The following DSCAM variants were observed in gnomAD, a reference collection of about 807,000 sequenced individuals.
DSCAM encodes DS cell adhesion molecule, also known as cell adhesion molecule DSCAM.
Under a neutral mutation model 217.7 loss-of-function variants are expected in DSCAM, and 47 were observed. That is an observed-to-expected ratio of 0.22 (90% CI 0.17 to 0.28). DSCAM has a LOEUF of 0.28. DSCAM is among the 10% of genes least tolerant of loss of function. The pLI, the probability that DSCAM is intolerant of heterozygous loss-of-function variation, is 1.00. For synonymous variants in DSCAM, 1,056 were observed against 1,015.3 expected (o/e 1.04, Z -0.76); for missense variants, 2,080 against 2,618.3 (o/e 0.79, Z 4.49).
chr21:40,364,519 G>T, intron 4 of DSCAM, among the ~76,000 whole-genome samples: 1 of 142,520 alleles, frequency 7.0e-6, no homozygotes, highest in Non-Finnish European at 1.5e-5. Context: ...CACACACCGG[G>T]GCCTGTTGTG....
At chr21:40,749,964 G>A (rs2146559599) in intron 1 of DSCAM, among the ~76,000 whole-genome samples, 2 of 150,814 alleles carry the variant, frequency 1.3e-5, no homozygotes, top group South Asian at 4.2e-4. Context: ...TTTGAGACAT[G>A]TTACCCAGGC....
intron 14 of DSCAM, among the ~76,000 whole-genome samples, chr21:40,182,548 C>T (rs369397368): frequency 2.0e-5 from 3 of 150,796 alleles, no homozygotes; most frequent in African/African-American, 7.3e-5. Context: ...AACAGAGAAA[C>T]CGTGGACAGG....
intron 11 of DSCAM, among the ~76,000 whole-genome samples, chr21:40,261,661 AC>A (rs2146980563): frequency 6.7e-6 from 1 of 149,668 alleles, no homozygotes; most frequent in African/African-American, 2.4e-5. Flanking sequence ...CTACACACAC[AC>A]ACACACACAC....
intron 3 of DSCAM, among the ~76,000 whole-genome samples, chr21:40,535,377 T>C (rs1286158525): frequency 1.3e-5 from 2 of 152,220 alleles, no homozygotes; most frequent in Non-Finnish European, 2.9e-5. Context: ...GGTTTAAATG[T>C]GATGGCGTGT....
At chr21:40,293,418 T>C (rs1229606402) in intron 10 of DSCAM, among the ~76,000 whole-genome samples, 1 of 152,090 alleles carries the variant, frequency 6.6e-6, no homozygotes, top group Non-Finnish European at 1.5e-5. Flanking sequence ...TCCTAACACA[T>C]AAGGAGTTTG....
intron 11 of DSCAM, among the ~76,000 whole-genome samples, chr21:40,211,298 T>C (rs577334325): frequency 3.3e-5 from 5 of 152,328 alleles, no homozygotes; most frequent in Admixed American, 2.0e-4. Flanking sequence ...GTTGTTGTTG[T>C]TGCTGTTTGT....
chr21:40,845,843 T>C (rs2092140703), intron 1 of DSCAM, among the ~76,000 whole-genome samples: 1 of 152,118 alleles, frequency 6.6e-6, no homozygotes, highest in East Asian at 1.9e-4. Context: ...CAGCCTAAGG[T>C]GCAGTCACAC....
intron 32 of DSCAM, among the ~76,000 whole-genome samples, chr21:40,021,236 CAT>C (rs1284220109): frequency 7.6e-6 from 1 of 130,842 alleles, no homozygotes; most frequent in African/African-American, 2.8e-5. Context: ...AGAAAAGAAA[CAT>C]AGCTACGCAG....
chr21:40,155,099 C>T (rs530243696), intron 16 of DSCAM, among the ~76,000 whole-genome samples: 6 of 152,356 alleles, frequency 3.9e-5, no homozygotes, highest in African/African-American at 1.2e-4. Context: ...CATAGCTCCT[C>T]TTTTTGGGAC....
At chr21:40,690,550 A>C (rs961104784) in intron 3 of DSCAM, among the ~76,000 whole-genome samples, 1 of 152,224 alleles carries the variant, frequency 6.6e-6, no homozygotes, top group African/African-American at 2.4e-5. Flanking sequence ...TTTGCATTTA[A>C]AATTGTATGA....
At chr21:40,181,648 C>T (rs2090802788) in intron 14 of DSCAM, among the ~76,000 whole-genome samples, 1 of 151,112 alleles carries the variant, frequency 6.6e-6, no homozygotes, top group Non-Finnish European at 1.5e-5. Context: ...CTGAAAACAC[C>T]TAATAAGACA....
chr21:40,143,509 G>A (rs763703575), intron 17 of DSCAM, among the ~76,000 whole-genome samples: 4 of 152,214 alleles, frequency 2.6e-5, no homozygotes, highest in African/African-American at 9.6e-5. Flanking sequence ...CTGTGATCAA[G>A]GGCCGGGCGC....
chr21:40,080,312 A>G lies in DSCAM; in HGVS notation c.4260T>C (p.Asn1420=), dbSNP rs1252402545. 3.1e-6 allele frequency: 5 copies of G among 1,612,470 alleles called. No individual in the cohort carries two copies. Among genetic ancestry groups the G allele is most frequent in the Admixed American group, 1.7e-5 (1 of 59,822 alleles). Residue 1420 remains asparagine (N), a synonymous_variant, in exon 25 of 33, where the codon AAT becomes AAC. Coordinates refer to ENST00000400454, the MANE Select transcript of DSCAM (RefSeq NM_001389.5). ...TTGGAAAACTCCCCCACTGCTCACT[A>G]TTGTCCTCGGAGTACTGCAGTATGT... ...RGYILQYSED[N]SEQWGSFPIS...
chr21:40,785,157 A>T (rs2091581806), intron 1 of DSCAM, among the ~76,000 whole-genome samples: 1 of 152,230 alleles, frequency 6.6e-6, no homozygotes, highest in Non-Finnish European at 1.5e-5. Flanking sequence ...CCACAAACAT[A>T]AACTATCTTT....
At chr21:40,233,219 G>A (rs1473726441) in intron 11 of DSCAM, among the ~76,000 whole-genome samples, 4 of 151,830 alleles carry the variant, frequency 2.6e-5, no homozygotes, top group Admixed American at 1.3e-4. Context: ...TTAAATTTAC[G>A]AGATACATAC....
At chr21:40,789,045 T>C (rs1002238638) in intron 1 of DSCAM, among the ~76,000 whole-genome samples, 1 of 152,112 alleles carries the variant, frequency 6.6e-6, no homozygotes, top group Non-Finnish European at 1.5e-5. Context: ...TTCATTATGC[T>C]TGGAAAAAAG....
intron 11 of DSCAM, among the ~76,000 whole-genome samples, chr21:40,252,675 C>T (rs2146963113): frequency 6.6e-6 from 1 of 152,228 alleles, no homozygotes; most frequent in South Asian, 2.1e-4. Flanking sequence ...TTGATAGGGA[C>T]TTTTTACTAT....
chr21:40,489,954 A>G (rs2076063335), intron 3 of DSCAM, among the ~76,000 whole-genome samples: 1 of 152,106 alleles, frequency 6.6e-6, no homozygotes, highest in South Asian at 2.1e-4. Context: ...TGCTGCTAAT[A>G]AAGACATATC....
At position 40,501,789 on chromosome 21, in the gene DSCAM, A is replaced by G. The variant is rs530123889; in HGVS notation, c.509-132544T>C. 1.3e-5 allele frequency among the ~76,000 whole-genome samples: 2 copies of G among 152,230 alleles called. 1 individual carries two copies. Among genetic ancestry groups the G allele is most frequent in the South Asian group, 4.1e-4 (2 of 4,824 alleles). ...GTATTTTTAGTAGAGACAGGGTTTC[A>G]CCATGTTGGTCAGGCTGGTCCGGAA... On this transcript the variant is annotated intron_variant, in intron 3 of 32. Coordinates refer to ENST00000400454, the MANE Select transcript of DSCAM (RefSeq NM_001389.5).
Sources: gnomAD v4.1 joint callset for allele counts (sites outside exome capture counted in the v4.1 genomes callset) on GRCh38, gnomAD v4.1.1 for gene constraint, MANE v1.5 for transcripts, NCBI Gene and HGNC (gene_info 2026-07-23, HGNC 2026-07-21) for gene names.